Variants in DST observed in about 807,000 individuals in gnomAD.
DST encodes the protein dystonin.
A neutral mutation model predicts 875.2 loss-of-function variants in DST; 253 were observed. The observed-to-expected ratio is 0.29, with a 90% confidence interval of 0.26 to 0.32. The LOEUF (loss-of-function observed/expected upper bound fraction) is 0.32. Among genes scored for constraint, DST ranks in the 10% least tolerant of loss-of-function variants. The probability of loss-of-function intolerance (pLI) is 1.00; values close to 1 mark genes in which losing one functional copy is unlikely to be tolerated. For synonymous variants in DST, 3,124 were observed against 3,197.1 expected (o/e 0.98, Z 0.77); for missense variants, 8,287 against 9,111.6 (o/e 0.91, Z 3.68).
intron 67 of DST, 56 bp from the exon 68 acceptor site, chr6:56,527,790 G>A (rs2096828842): frequency 2.0e-6 from 3 of 1,523,470 alleles, no homozygotes; most frequent in East Asian, 2.3e-5. Context: ...CAGGGAGAGG[G>A]TTTCTTCAGA....
chr6:56,533,974 G>T (rs1474765972), intron 63 of DST, among the ~76,000 whole-genome samples: 1 of 151,906 alleles, frequency 6.6e-6, no homozygotes, highest in Non-Finnish European at 1.5e-5. Flanking sequence ...AATTTATGGG[G>T]TGCAATTCAA....
intron 47 of DST, among the ~76,000 whole-genome samples, chr6:56,594,949 G>A (rs932342104): frequency 6.6e-6 from 1 of 152,222 alleles, no homozygotes; most frequent in Non-Finnish European, 1.5e-5. Flanking sequence ...GTGTGCTGCA[G>A]GCAAGTCACA....
intron 9 of DST, among the ~76,000 whole-genome samples, chr6:56,685,872 A>G (rs78155191): frequency 0.013 from 1,991 of 152,366 alleles, 22 homozygotes; most frequent in South Asian, 0.024. Context: ...CCCCTGTGGA[A>G]TGCAGTTTGG....
intron 28 of DST, 91 bp from the exon 29 acceptor site, chr6:56,632,131 G>T: frequency 1.1e-6 from 1 of 922,134 alleles, no homozygotes; most frequent in Non-Finnish European, 1.7e-6. Context: ...TATATTACTG[G>T]GACACAGCTA....
intron 47 of DST, among the ~76,000 whole-genome samples, chr6:56,594,829 G>A (rs970083335): frequency 2.0e-5 from 3 of 152,244 alleles, no homozygotes; most frequent in African/African-American, 7.2e-5. Context: ...ATCACAGGTT[G>A]CTGTTAAGGA....
chr6:56,892,286 C>T (rs1199930537), intron 3 of DST, among the ~76,000 whole-genome samples: 3 of 151,574 alleles, frequency 2.0e-5, no homozygotes, highest in Non-Finnish European at 4.4e-5. Flanking sequence ...CTCCACTTCC[C>T]GGACCCAGCA....
intron 36 of DST, chr6:56,617,180 A>C: frequency 6.2e-7 from 1 of 1,601,612 alleles, no homozygotes. Context: ...CCTGGCAGTC[A>C]CAGTGTGCCT....
At chr6:56,540,923 T>C (rs1448146338) in intron 61 of DST, 1 of 152,644 alleles carries the variant, frequency 6.6e-6, no homozygotes, top group East Asian at 1.9e-4. Flanking sequence ...AAGAATATCT[T>C]CAGTAGAAGA....
intron 2 of DST, among the ~76,000 whole-genome samples, chr6:56,949,347 G>C (rs1403738733): frequency 6.6e-6 from 1 of 152,202 alleles, no homozygotes; most frequent in African/African-American, 2.4e-5. Context: ...TAAACTCTGT[G>C]AATAGGATTA....
chr6:56,662,023 A>G (rs2099045665), intron 10 of DST, among the ~76,000 whole-genome samples: 1 of 152,184 alleles, frequency 6.6e-6, no homozygotes, highest in Non-Finnish European at 1.5e-5. Flanking sequence ...TAGGCCTTCA[A>G]TTTCATCACG....
intron 69 of DST, among the ~76,000 whole-genome samples, chr6:56,523,170 G>A (rs1258465231): frequency 1.3e-5 from 2 of 151,974 alleles, no homozygotes; most frequent in Non-Finnish European, 1.5e-5. Flanking sequence ...ATCAATGCCC[G>A]CAAATCTAGA....
chr6:56,583,572 T>A (rs563138456), intron 49 of DST, among the ~76,000 whole-genome samples: 7 of 152,316 alleles, frequency 4.6e-5, no homozygotes, highest in Non-Finnish European at 1.0e-4. Context: ...TGGTAGTTTC[T>A]TTTGCTGTGC....
intron 4 of DST, among the ~76,000 whole-genome samples, chr6:56,796,005 G>T (rs543969281): frequency 3.6e-4 from 55 of 152,266 alleles, no homozygotes; most frequent in African/African-American, 1.3e-3. Context: ...TGAGACCACA[G>T]GATCCAGCAG....
chr6:56,629,470 A>C (rs1563303925), intron 31 of DST, 27 bp from the exon 32 acceptor site: 1 of 1,567,282 alleles, frequency 6.4e-7, no homozygotes, highest in African/African-American at 1.4e-5. Context: ...GGTAAAAGTT[A>C]TAAAAATGTT....
At chr6:56,674,544 G>A (rs755833727) in intron 9 of DST, among the ~76,000 whole-genome samples, 20 of 152,160 alleles carry the variant, frequency 1.3e-4, no homozygotes, top group South Asian at 2.1e-4. Context: ...TGATTCACCC[G>A]CTTCGGCCTC....
In DST at chr6:56,593,766, C is replaced by A; in HGVS notation, c.12623G>T (p.Cys4208Phe). The change falls in exon 48 of 104, where the codon TGC (cysteine) becomes TTC (phenylalanine). Residue 4208 changes from cysteine (C) to phenylalanine (F), a missense_variant. By Grantham distance (205) the Cys-to-Phe change is radical. Coordinates refer to ENST00000680361, the MANE Select transcript of DST (RefSeq NM_001374736.1). ...AACCTTGCCACCGTCTCTCTTGCTG[C>A]AAGATTTGGCAGCTTCCAACACTCT... ...GNRVLEAAKS[C>F]SKRDGGKVDT... is the part of the protein sequence containing the mutation. The A allele has an allele frequency of 3.7e-6, 6 of 1,613,910 alleles. No homozygotes were observed. The highest frequency in any genetic ancestry group is 5.1e-6 in the Non-Finnish European group (6 of 1,179,868).
At chr6:56,687,191 G>A (rs1270930601) in intron 9 of DST, among the ~76,000 whole-genome samples, 1 of 151,806 alleles carries the variant, frequency 6.6e-6, no homozygotes, top group Non-Finnish European at 1.5e-5. Flanking sequence ...ATACAAAAAC[G>A]TTAACAAATG....
At chr6:56,833,278 A>C (rs1346175059) in intron 4 of DST, among the ~76,000 whole-genome samples, 3 of 152,210 alleles carry the variant, frequency 2.0e-5, no homozygotes, top group Non-Finnish European at 4.4e-5. Flanking sequence ...ATTTACGTGA[A>C]AGCACTGTCT....
intron 4 of DST, among the ~76,000 whole-genome samples, chr6:56,757,527 A>T (rs3002008): frequency 0.23 from 35,682 of 152,070 alleles, 5,484 homozygotes; most frequent in African/African-American, 0.43. Flanking sequence ...AGTAAAAGAA[A>T]CCCTGATTCT....
Sources: allele counts gnomAD v4.1 joint callset (sites outside exome capture counted in the v4.1 genomes callset), GRCh38; gene constraint gnomAD v4.1.1; transcripts MANE v1.5; gene names NCBI Gene and HGNC (gene_info 2026-07-23, HGNC 2026-07-21).